HPCAL1: variants seen among roughly 807,000 people sequenced by gnomAD.
HPCAL1 encodes hippocalcin like 1, also known as hippocalcin-like protein 1.
A neutral mutation model predicts 17.1 loss-of-function variants in HPCAL1; 8 were observed. That is an observed-to-expected ratio of 0.47 (90% CI 0.27 to 0.84). The LOEUF is 0.84. Among genes scored for constraint, HPCAL1 ranks in the 40% least tolerant of loss-of-function variants. The pLI, the probability that HPCAL1 is intolerant of heterozygous loss-of-function variation, is 0.13. For missense variants in HPCAL1, 165 were observed against 271.1 expected, an observed-to-expected ratio of 0.61 and a Z score of 2.75; for synonymous variants, 112 against 111.4, an observed-to-expected ratio of 1.01 and a Z score of -0.03.
At chr2:10,380,337 C>T (rs540590913) in intron 1 of HPCAL1, among the ~76,000 whole-genome samples, 9 of 152,140 alleles carry the variant, frequency 5.9e-5, no homozygotes, top group East Asian at 1.9e-4. Flanking sequence ...CCAGGGCCCA[C>T]GAGATCTGGG....
Position 10,426,994 on chromosome 2 carries a change from G to T in HPCAL1, c.*173G>T, listed in dbSNP as rs1037953574. On this transcript the variant is annotated 3_prime_UTR_variant, in exon 5 of 5. Coordinates refer to ENST00000307845, the MANE Select transcript of HPCAL1 (RefSeq NM_002149.4). ...CGCCTCCCTCCTCCACCTGACCAAC[G>T]CGACATTCCTCCCCTCACGCCTGGC... The T allele has an allele frequency of 3.3e-6, 2 of 613,406 alleles. No individual in the cohort carries two copies. The highest frequency in any genetic ancestry group is 5.9e-6 in the Non-Finnish European group (2 of 341,738). 38.0% of individuals were successfully genotyped at this position (613,406 alleles called of 1,614,324 possible). A position where few individuals can be genotyped will look rare whatever the true frequency, so the allele number is the denominator to read the frequency against.
chr2:10,317,487 G>A (rs931122665), intron 1 of HPCAL1, among the ~76,000 whole-genome samples: 6 of 151,084 alleles, frequency 4.0e-5, no homozygotes, highest in Non-Finnish European at 5.9e-5. Flanking sequence ...GCGTGATCTC[G>A]GTTCACTGCA....
At chr2:10,407,590 C>T (rs1305085476) in intron 2 of HPCAL1, among the ~76,000 whole-genome samples, 1 of 152,170 alleles carries the variant, frequency 6.6e-6, no homozygotes. Context: ...GCAGGAAATG[C>T]TGAGAAAGGG....
intron 2 of HPCAL1, among the ~76,000 whole-genome samples, chr2:10,403,014 C>T (rs1190159395): frequency 6.6e-6 from 1 of 152,138 alleles, no homozygotes; most frequent in Non-Finnish European, 1.5e-5. Context: ...CACATAAATT[C>T]AAAATTTGGA....
chr2:10,364,201 C>G (rs367668939), intron 1 of HPCAL1, among the ~76,000 whole-genome samples: 2 of 152,212 alleles, frequency 1.3e-5, no homozygotes, highest in African/African-American at 4.8e-5. Context: ...CACCCAGAGG[C>G]GGGTGTCTGC....
chr2:10,365,783 G>C lies in HPCAL1; in HGVS notation c.-110-31052G>C, dbSNP rs1019113078. ...GAGAAGAGGGTGTGTGAGGGGGTGC[G>C]GGTGGCCCTCCAGACTGGACCTAGG... On this transcript the variant is annotated intron_variant, in intron 1 of 4. Transcript: ENST00000307845. The surrounding 1 kb of genome is among the most constrained non-coding windows in gnomAD (Gnocchi z 4.8). Among the ~76,000 whole-genome samples the C allele has an allele frequency of 6.6e-6, 1 of 152,122 alleles. No homozygotes were observed. The highest frequency in any genetic ancestry group is 1.5e-5 in the Non-Finnish European group (1 of 68,012).
At chr2:10,424,717 G>C (rs890149125) in intron 4 of HPCAL1, 1 of 451,394 alleles carries the variant, frequency 2.2e-6, no homozygotes, top group Non-Finnish European at 4.6e-6. Context: ...GGAGCTTGGG[G>C]CAAGGAGGGA....
intron 1 of HPCAL1, among the ~76,000 whole-genome samples, chr2:10,348,019 C>T (rs2125456624): frequency 6.6e-6 from 1 of 152,260 alleles, no homozygotes; most frequent in South Asian, 2.1e-4. Context: ...GATTAGATAC[C>T]TACTGTAAGC....
Position 10,419,986 on chromosome 2 carries a change from G to A in HPCAL1, c.229G>A (p.Asp77Asn). Residue 77 changes from aspartate (D) to asparagine (N), a missense_variant, in exon 3 of 5, where the codon GAC becomes AAC. Physicochemically the swap from Asp to Asn is conservative, Grantham distance 23. Transcript: ENST00000307845. This position sits in a 1 kb window ranked among gnomAD's most constrained non-coding sequence, Gnocchi z 5.0. ...CTTCCGCACCTTCGACACCAACGGC[G>A]ACGGCACCATCGACTTCCGGGAGTT... ...HVFRTFDTNG[D>N]GTIDFREFII... 6.2e-7 allele frequency: 1 copy of A among 1,614,000 alleles called. No individual in the cohort carries two copies. Among genetic ancestry groups the A allele is most frequent in the Non-Finnish European group, 8.5e-7 (1 of 1,180,036 alleles).
At chr2:10,388,186 T>C (rs1223803251) in intron 1 of HPCAL1, among the ~76,000 whole-genome samples, 1 of 152,152 alleles carries the variant, frequency 6.6e-6, no homozygotes, top group African/African-American at 2.4e-5. Context: ...AAGTACTGGA[T>C]TGGGAGCGGA....
chr2:10,393,221 T>C (rs1369338750), intron 1 of HPCAL1, among the ~76,000 whole-genome samples: 1 of 152,272 alleles, frequency 6.6e-6, no homozygotes, highest in Non-Finnish European at 1.5e-5. Context: ...TCTCGAGCAA[T>C]GACTGTAATC....
In HPCAL1 at chr2:10,394,937, A is replaced by T. The variant is rs7584523; in HGVS notation, c.-110-1898A>T. Among the ~76,000 whole-genome samples, 53,088 of 151,518 alleles carry T rather than the reference A, an allele frequency of 0.35. 9,966 individuals carry two copies. Among genetic ancestry groups the T allele is most frequent in the South Asian group, 0.49 (2,346 of 4,794 alleles). ...CAGCCTCCCAGGTAGCTGGGACTAC[A>T]GGCACGCACCACCACGCATGGCTAA... On this transcript the variant is annotated intron_variant, in intron 1 of 4. Coordinates refer to ENST00000307845, the MANE Select transcript of HPCAL1 (RefSeq NM_002149.4). The surrounding 1 kb of genome is among the most constrained non-coding windows in gnomAD (Gnocchi z 5.0).
Position 10,331,839 on chromosome 2 carries a change from G to T in HPCAL1, c.-111+28662G>T, listed in dbSNP as rs943954505. On this transcript the variant is annotated intron_variant, in intron 1 of 4. Coordinates refer to ENST00000307845, the MANE Select transcript of HPCAL1 (RefSeq NM_002149.4). The surrounding 1 kb of genome is among the most constrained non-coding windows in gnomAD (Gnocchi z 5.0). ...GGCTTGCTGCCTGTGTGTGGTGAGG[G>T]TGCCCTTCTTGTCACCCGTTGTCAT... Among the ~76,000 whole-genome samples the T allele has an allele frequency of 6.6e-6, 1 of 152,104 alleles. No homozygotes were observed. Among genetic ancestry groups the T allele is most frequent in the African/African-American group, 2.4e-5 (1 of 41,420 alleles).
chr2:10,394,102 G>A lies in HPCAL1; in HGVS notation c.-110-2733G>A, dbSNP rs181998205. ...TGCGCTCCAGCCTGGGTGACAGAGCGAGATCCTGTCTCCTGAAAAACAAAC... is the reference window on the plus strand; with the variant it reads ...TGCGCTCCAGCCTGGGTGACAGAGCAAGATCCTGTCTCCTGAAAAACAAAC... On this transcript the variant is annotated intron_variant, in intron 1 of 4. Transcript: ENST00000307845. This position sits in a 1 kb window ranked among gnomAD's most constrained non-coding sequence, Gnocchi z 5.0. Among the ~76,000 whole-genome samples, 5 of 149,770 alleles carry A rather than the reference G, an allele frequency of 3.3e-5. No homozygotes were observed. The highest frequency in any genetic ancestry group is 2.2e-4 in the South Asian group (1 of 4,638).
At chr2:10,349,513 C>T (rs553708678) in intron 1 of HPCAL1, among the ~76,000 whole-genome samples, 1 of 151,530 alleles carries the variant, frequency 6.6e-6, no homozygotes, top group African/African-American at 2.4e-5. Flanking sequence ...ACCATCCTGG[C>T]TAACACGGTG....
chr2:10,371,550 G>A (rs1667209809), intron 1 of HPCAL1, among the ~76,000 whole-genome samples: 2 of 152,158 alleles, frequency 1.3e-5, no homozygotes, highest in African/African-American at 4.8e-5. Flanking sequence ...GCAGTGAGGG[G>A]TCAGTCAGTG....
At chr2:10,360,999 C>T (rs372315105) in intron 1 of HPCAL1, among the ~76,000 whole-genome samples, 1 of 150,078 alleles carries the variant, frequency 6.7e-6, no homozygotes, top group Admixed American at 6.7e-5. Flanking sequence ...GTGTGCCTTG[C>T]GTGTGCTGCG....
chr2:10,325,789 G>T (rs955907977), intron 1 of HPCAL1, among the ~76,000 whole-genome samples: 5 of 152,220 alleles, frequency 3.3e-5, no homozygotes, highest in African/African-American at 9.6e-5. Flanking sequence ...CCTGCTGCAG[G>T]TGTCTTTGCA....
chr2:10,345,027 C>T (rs988102410), intron 1 of HPCAL1, among the ~76,000 whole-genome samples: 1 of 151,918 alleles, frequency 6.6e-6, no homozygotes, highest in Non-Finnish European at 1.5e-5. Context: ...CTGCCTCTCT[C>T]TATGTGTCTG....
Sources: gnomAD v4.1 joint callset for allele counts (sites outside exome capture counted in the v4.1 genomes callset) on GRCh38, gnomAD v4.1.1 for gene constraint, Gnocchi (gnomAD v3.1) non-coding constraint, MANE v1.5 for transcripts, NCBI Gene and HGNC (gene_info 2026-07-23, HGNC 2026-07-21) for gene names.